COL25A1: variants seen among roughly 807,000 people sequenced by gnomAD.
The protein encoded by COL25A1 is collagen alpha-1(XXV) chain.
A neutral mutation model predicts 128.4 loss-of-function variants in COL25A1; 103 were observed. That is an observed-to-expected ratio of 0.80 (90% CI 0.68 to 0.94). COL25A1 has a LOEUF of 0.94. Ranked by LOEUF, COL25A1 falls within the 40% of genes least tolerant of loss-of-function variation. The pLI, the probability that COL25A1 is intolerant of heterozygous loss-of-function variation, is 0.00. For missense variants in COL25A1, 745 were observed against 840.0 expected (o/e 0.89, Z 1.40); for synonymous variants, 279 against 277.2 (o/e 1.01, Z -0.06).
chr4:108,904,916 T>A (rs1174118617), intron 13 of COL25A1, among the ~76,000 whole-genome samples: 3 of 152,060 alleles, frequency 2.0e-5, no homozygotes, highest in Admixed American at 1.3e-4. Context: ...TCATTTTTTT[T>A]TTAAAAAAAC....
At position 109,070,101 on chromosome 4, in the gene COL25A1, A is replaced by T. The variant is rs557224642; in HGVS notation, c.368-19922T>A. The stretch of plus-strand genomic sequence containing the variant: ...GAAACCCCGTCTCTACTAAAAATAT[A>T]AAAAAAAACTAGCCGGGCATGGGGT... On this transcript the variant is annotated intron_variant, in intron 3 of 37. Coordinates refer to ENST00000399132, the MANE Select transcript of COL25A1 (RefSeq NM_198721.4). Among the ~76,000 whole-genome samples, 53 of 151,138 alleles carry T rather than the reference A, an allele frequency of 3.5e-4. 1 individual carries two copies. In the South Asian group the frequency reaches 8.4e-3, roughly 24 times the overall value.
In COL25A1 at chr4:108,886,475, TGTGTGTGTGTGTGTGTG is replaced by T. The variant is rs1560806245; in HGVS notation, c.976-2270_976-2254del. Among the ~76,000 whole-genome samples, 9 of 127,910 alleles carry T rather than the reference TGTGTGTGTGTGTGTGTG, an allele frequency of 7.0e-5. 1 individual carries two copies. Among genetic ancestry groups the T allele is most frequent in the African/African-American group, 2.2e-4 (8 of 36,228 alleles). The allele number at this position is 127,910 out of a possible 152,430, so 83.9% of individuals were successfully genotyped here. A position where few individuals can be genotyped will look rare whatever the true frequency, so the allele number is the denominator to read the frequency against. On this transcript the variant is annotated intron_variant, in intron 18 of 37. Transcript: ENST00000399132. ...GTGTGTGTGTGTGTGTGTGTGTGTG[TGTGTGTGTGTGTGTGTG>T]TTTAGCTCATCAGCTATTTTATGTG...
chr4:109,053,363 A>G (rs1761154598), intron 3 of COL25A1, among the ~76,000 whole-genome samples: 1 of 152,200 alleles, frequency 6.6e-6, no homozygotes, highest in South Asian at 2.1e-4. Flanking sequence ...AACAAAGGCA[A>G]GCCTCCTAAA....
intron 20 of COL25A1, among the ~76,000 whole-genome samples, chr4:108,867,923 G>C (rs1738134393): frequency 1.3e-5 from 2 of 151,894 alleles, no homozygotes; most frequent in African/African-American, 4.8e-5. Context: ...TATAGATTTT[G>C]CTTTTAGAGC....
At chr4:109,055,325 C>T (rs1761359630) in intron 3 of COL25A1, among the ~76,000 whole-genome samples, 2 of 152,190 alleles carry the variant, frequency 1.3e-5, no homozygotes, top group Admixed American at 6.5e-5. Flanking sequence ...ATCAGAGCAG[C>T]TCCAGATTGC....
At chr4:108,983,675 G>A (rs1410138218) in intron 6 of COL25A1, among the ~76,000 whole-genome samples, 2 of 152,078 alleles carry the variant, frequency 1.3e-5, no homozygotes, top group Non-Finnish European at 2.9e-5. Flanking sequence ...CCTTCTGGTG[G>A]GTTCATGGTC....
At chr4:109,011,094 A>G (rs939973452) in intron 5 of COL25A1, among the ~76,000 whole-genome samples, 3 of 152,250 alleles carry the variant, frequency 2.0e-5, no homozygotes, top group African/African-American at 7.2e-5. Context: ...GCTTCTAGCT[A>G]AAGATCAATC....
At chr4:109,270,782 T>A (rs1782138396) in intron 3 of COL25A1, among the ~76,000 whole-genome samples, 1 of 152,166 alleles carries the variant, frequency 6.6e-6, no homozygotes, top group African/African-American at 2.4e-5. Flanking sequence ...AGGTCCTGTG[T>A]TAGGCACCTG....
intron 8 of COL25A1, chr4:108,942,322 T>G: frequency 6.7e-7 from 1 of 1,489,530 alleles, no homozygotes; most frequent in African/African-American, 1.4e-5. Flanking sequence ...CACACAGACA[T>G]TTCACTAGGG....
chr4:108,940,048 T>C (rs1747897512), intron 10 of COL25A1, among the ~76,000 whole-genome samples: 1 of 152,226 alleles, frequency 6.6e-6, no homozygotes, highest in Non-Finnish European at 1.5e-5. Flanking sequence ...GATTAAATAT[T>C]AGAATATTTT....
At chr4:109,044,281 C>T (rs180996321) in intron 5 of COL25A1, among the ~76,000 whole-genome samples, 2 of 152,134 alleles carry the variant, frequency 1.3e-5, no homozygotes, top group African/African-American at 4.8e-5. Context: ...ACAAAAGAAA[C>T]ACATAGTTAT....
At chr4:109,295,399 T>C (rs1028013654) in intron 3 of COL25A1, among the ~76,000 whole-genome samples, 6 of 152,106 alleles carry the variant, frequency 3.9e-5, no homozygotes, top group African/African-American at 1.4e-4. Flanking sequence ...CATTGTATTG[T>C]TTGGCCTTAT....
At chr4:109,068,995 T>A (rs1762694426) in intron 3 of COL25A1, among the ~76,000 whole-genome samples, 1 of 152,030 alleles carries the variant, frequency 6.6e-6, no homozygotes, top group Admixed American at 6.6e-5. Context: ...AAGAATGAGG[T>A]GAGATATGAA....
intron 5 of COL25A1, among the ~76,000 whole-genome samples, chr4:109,046,370 G>A (rs553251957): frequency 5.9e-5 from 9 of 152,262 alleles, no homozygotes; most frequent in African/African-American, 9.6e-5. Context: ...ATATGGTTGC[G>A]TGATTTTTCG....
chr4:109,057,776 C>A (rs866443400), intron 3 of COL25A1, among the ~76,000 whole-genome samples: 23 of 152,034 alleles, frequency 1.5e-4, no homozygotes, highest in Admixed American at 3.3e-4. Context: ...AAACTTCTTC[C>A]CAGTTATCGC....
intron 3 of COL25A1, among the ~76,000 whole-genome samples, chr4:109,255,741 C>T (rs139925796): frequency 3.9e-5 from 6 of 152,238 alleles, no homozygotes; most frequent in South Asian, 2.1e-4. Context: ...CTCATTAAAA[C>T]GCTTAGTAAT....
At chr4:109,204,136 A>G (rs2126185854) in intron 3 of COL25A1, among the ~76,000 whole-genome samples, 1 of 152,320 alleles carries the variant, frequency 6.6e-6, no homozygotes, top group African/African-American at 2.4e-5. Flanking sequence ...TTGCTTCTAT[A>G]AAACAGAAAT....
intron 8 of COL25A1, among the ~76,000 whole-genome samples, chr4:108,964,123 T>C (rs1751043289): frequency 6.7e-6 from 1 of 150,186 alleles, no homozygotes; most frequent in African/African-American, 2.4e-5. Context: ...AAATAGTAAA[T>C]AAGAAAATTA....
intron 6 of COL25A1, among the ~76,000 whole-genome samples, chr4:109,008,604 C>T (rs1756267094): frequency 1.3e-5 from 2 of 152,236 alleles, no homozygotes; most frequent in South Asian, 4.1e-4. Flanking sequence ...CTTTTATCAT[C>T]TGCTGTCTCA....
Sources: gnomAD v4.1 joint callset for allele counts (sites outside exome capture counted in the v4.1 genomes callset) on GRCh38, gnomAD v4.1.1 for gene constraint, MANE v1.5 for transcripts, NCBI Gene and HGNC (gene_info 2026-07-23, HGNC 2026-07-21) for gene names.